Variants in C12orf75 observed in about 807,000 individuals in gnomAD.
The protein encoded by C12orf75 is chromosome 12 open reading frame 75.
In C12orf75, 4 loss-of-function variants were observed where a neutral mutation model predicts 11.4. The observed-to-expected ratio is 0.35, with a 90% CI of 0.17 to 0.80. The LOEUF is 0.80. Ranked by LOEUF, C12orf75 falls within the 30% of genes least tolerant of loss-of-function variation. The pLI is 0.52. For synonymous variants in C12orf75, 30 were observed against 30.0 expected, an observed-to-expected ratio of 1.00 and a Z score of 0.00; for missense variants, 89 against 80.4, an observed-to-expected ratio of 1.11 and a Z score of -0.41.
intron 2 of C12orf75, among the ~76,000 whole-genome samples, chr12:105,361,820 T>A (rs1592884584): frequency 4.6e-5 from 7 of 152,208 alleles, no homozygotes; most frequent in Admixed American, 2.0e-4. Flanking sequence ...CTTGGACCTA[T>A]CCTTCCGCAG....
intron 2 of C12orf75, among the ~76,000 whole-genome samples, chr12:105,364,768 T>C (rs772012327): frequency 6.6e-6 from 1 of 151,876 alleles, no homozygotes. Flanking sequence ...GTATGCCAAC[T>C]AGTGCTTCAA....
Position 105,370,829 on chromosome 12 carries a change from T to G in C12orf75, c.*229T>G. 2.5e-6 allele frequency: 1 copy of G among 404,104 alleles called. No homozygotes were observed. Among genetic ancestry groups the G allele is most frequent in the Non-Finnish European group, 5.1e-6 (1 of 197,752 alleles). 25.0% of individuals were successfully genotyped at this position (404,104 alleles called of 1,614,324 possible). A position where few individuals can be genotyped will look rare whatever the true frequency, so the allele number is the denominator to read the frequency against. ...AACAGTACACTTGTTTATGGAACTT[T>G]CTGTGGCCACCTACGAAAGACAAGT... On this transcript the variant is annotated 3_prime_UTR_variant, in exon 6 of 6. Transcript: ENST00000443585.
At chr12:105,336,393 A>T (rs1430764715) in intron 1 of C12orf75, among the ~76,000 whole-genome samples, 1 of 152,254 alleles carries the variant, frequency 6.6e-6, no homozygotes, top group Non-Finnish European at 1.5e-5. Flanking sequence ...TTCCTTGACC[A>T]TAAAATGGGG....
intron 3 of C12orf75, 98 bp downstream of exon 3, chr12:105,365,940 C>A: frequency 1.2e-6 from 1 of 817,928 alleles, no homozygotes; most frequent in Non-Finnish European, 2.1e-6. Flanking sequence ...ACAGATTCTG[C>A]CAGGAAAACT....
At chr12:105,356,439 C>CTTTTTTTTTTT (rs77310165) in intron 2 of C12orf75, among the ~76,000 whole-genome samples, 7 of 106,318 alleles carry the variant, frequency 6.6e-5, no homozygotes, top group African/African-American at 1.3e-4. Flanking sequence ...AGACTACAGG[C>CTTTTTTTTTTT]TTTTTTTTTT....
intron 1 of C12orf75, among the ~76,000 whole-genome samples, chr12:105,338,402 G>T (rs1892522496): frequency 6.6e-6 from 1 of 152,156 alleles, no homozygotes; most frequent in Non-Finnish European, 1.5e-5. Flanking sequence ...ACAAATTCCA[G>T]ACCTCAGGTG....
At chr12:105,332,526 A>G (rs1319944727) in intron 1 of C12orf75, among the ~76,000 whole-genome samples, 1 of 151,962 alleles carries the variant, frequency 6.6e-6, no homozygotes, top group South Asian at 2.1e-4. Context: ...GAGCTCAGGA[A>G]CTCGAGACCA....
intron 2 of C12orf75, among the ~76,000 whole-genome samples, chr12:105,362,666 CA>C (rs71072606): frequency 0.57 from 59,789 of 105,694 alleles, 14,242 homozygotes; most frequent in African/African-American, 0.73. Flanking sequence ...GACTCCGTCT[CA>C]AAAAAAAAAA....
intron 2 of C12orf75, among the ~76,000 whole-genome samples, chr12:105,349,459 T>C (rs755584358): frequency 6.6e-6 from 1 of 152,206 alleles, no homozygotes; most frequent in Non-Finnish European, 1.5e-5. Flanking sequence ...AGGCTACTTA[T>C]GAATGGGCAG....
intron 1 of C12orf75, among the ~76,000 whole-genome samples, chr12:105,341,655 G>A (rs1312999574): frequency 6.6e-6 from 1 of 152,198 alleles, no homozygotes; most frequent in Admixed American, 6.5e-5. Context: ...AGTGTCCCAA[G>A]TGCAGAAGCC....
intron 5 of C12orf75, among the ~76,000 whole-genome samples, chr12:105,368,999 T>C (rs1370387394): frequency 6.6e-6 from 1 of 152,208 alleles, no homozygotes; most frequent in East Asian, 1.9e-4. Context: ...ATTATTTGTA[T>C]CAAATAGAAA....
chr12:105,366,511 A>G (rs958213084), intron 3 of C12orf75, 106 bp from the exon 4 acceptor site: 9 of 483,558 alleles, frequency 1.9e-5, no homozygotes, highest in African/African-American at 1.8e-4. Context: ...TTGAAAAATC[A>G]TGAGTTATTT....
At chr12:105,357,692 T>C (rs540318516) in intron 2 of C12orf75, among the ~76,000 whole-genome samples, 76 of 152,300 alleles carry the variant, frequency 5.0e-4, no homozygotes, top group Non-Finnish European at 9.3e-4. Context: ...TTCTTTCTCC[T>C]TGATCACCTG....
rs181217860 is a variant in C12orf75 at position 105,343,723 on chromosome 12, T to G, written c.47-4879T>G. On this transcript the variant is annotated intron_variant, in intron 1 of 5. Coordinates refer to ENST00000443585, the MANE Select transcript of C12orf75 (RefSeq NM_001145199.2). ...GGGTTTCCAACATTTGCAACCTTTT[T>G]TTTTTTCTTTTGGGAAGTTGTGTGT... 2.8e-4 allele frequency among the ~76,000 whole-genome samples: 43 copies of G among 152,312 alleles called. No homozygotes were observed. The East Asian group carries it at 7.1e-3, about 25-fold the overall frequency.
At chr12:105,332,446 T>C (rs963685294) in intron 1 of C12orf75, among the ~76,000 whole-genome samples, 4 of 152,124 alleles carry the variant, frequency 2.6e-5, no homozygotes, top group Non-Finnish European at 5.9e-5. Flanking sequence ...ATCAGAATGA[T>C]GGACCAGGCG....
rs150134377 is a variant in C12orf75 at position 105,357,277 on chromosome 12, A to T, written c.72-8530A>T. 5.3e-3 allele frequency among the ~76,000 whole-genome samples: 813 copies of T among 152,322 alleles called. 6 individuals are homozygous for T. Among genetic ancestry groups the T allele is most frequent in the African/African-American group, 0.019 (782 of 41,576 alleles). On this transcript the variant is annotated intron_variant, in intron 2 of 5. Coordinates refer to ENST00000443585, the MANE Select transcript of C12orf75 (RefSeq NM_001145199.2). The stretch of plus-strand genomic sequence containing the variant: ...TTCACAGGAAGTGAGCTAGAAGTGG[A>T]ATTAATAGAAACTCTGAGACAGAGG...
chr12:105,365,840 G>T lies in C12orf75; in HGVS notation c.105G>T (p.Arg35Ser), dbSNP rs1871456500. Residue 35 changes from arginine (R) to serine (S), a missense_variant and splice_region_variant, in exon 3 of 6, where the codon AGG becomes AGT. Coordinates refer to ENST00000443585, the MANE Select transcript of C12orf75 (RefSeq NM_001145199.2). ...TEESVTEDDKRRNYGGVYVGL... is the reference protein window; with the variant it reads ...TEESVTEDDKSRNYGGVYVGL... The stretch of plus-strand genomic sequence containing the variant: ...AATCCGTAACAGAAGATGACAAGAG[G>T]AGGTATGTTTGGTATTGCAGCTGGC... 1 of 1,548,232 alleles carries T rather than the reference G, an allele frequency of 6.5e-7. No homozygotes were observed.
intron 5 of C12orf75, among the ~76,000 whole-genome samples, chr12:105,370,242 G>T (rs1005510566): frequency 6.6e-6 from 1 of 152,176 alleles, no homozygotes; most frequent in African/African-American, 2.4e-5. Context: ...TCAGAATCCC[G>T]TGGGGGAGTG....
intron 1 of C12orf75, among the ~76,000 whole-genome samples, chr12:105,341,309 T>C (rs17036960): frequency 0.18 from 28,043 of 152,066 alleles, 2,929 homozygotes; most frequent in Non-Finnish European, 0.24. Flanking sequence ...AGGTTTTTTT[T>C]TTCCCCCGTT....
Sources: allele counts gnomAD v4.1 joint callset (sites outside exome capture counted in the v4.1 genomes callset), GRCh38; gene constraint gnomAD v4.1.1; transcripts MANE v1.5; gene names NCBI Gene and HGNC (gene_info 2026-07-23, HGNC 2026-07-21).